The following TATDN2 variants were observed in gnomAD, a reference collection of about 807,000 sequenced individuals.
The protein encoded by TATDN2 is TatD DNase domain containing 2, also known as 3'-5' RNA nuclease TATDN2.
TATDN2 carries 44 observed loss-of-function variants against 60.3 expected under a neutral mutation model. The observed-to-expected ratio is 0.73, with a 90% CI of 0.57 to 0.94. TATDN2 has a LOEUF of 0.94. Ranked by LOEUF, TATDN2 falls within the 40% of genes least tolerant of loss-of-function variation. The pLI is 0.00. For missense variants in TATDN2, 997 were observed against 948.0 expected, an observed-to-expected ratio of 1.05 and a Z score of -0.68; for synonymous variants, 399 against 355.8, an observed-to-expected ratio of 1.12 and a Z score of -1.37.
chr3:10,270,368 C>T lies in TATDN2; in HGVS notation c.1186C>T (p.Pro396Ser), dbSNP rs750053141. The T allele has an allele frequency of 1.2e-6, 2 of 1,614,158 alleles. No individual in the cohort carries two copies. Among genetic ancestry groups the T allele is most frequent in the Non-Finnish European group, 1.7e-6 (2 of 1,180,038 alleles). The change falls in exon 4 of 8, where the codon CCC becomes TCC. Residue 396 changes from proline to serine, a missense_variant. Physicochemically the swap from Pro to Ser is moderately conservative, Grantham distance 74. Transcript: ENST00000448281. ...CAGCAGCCCCAAGCCTTCTAGCTAC[C>T]CCTCCACAGGCAGCAGCAGCAACGA... ...WTSSPKPSSY[P>S]STGSSSNDAA...
chr3:10,261,930 T>G (rs958166519), intron 3 of TATDN2, among the ~76,000 whole-genome samples: 2 of 152,210 alleles, frequency 1.3e-5, no homozygotes, highest in African/African-American at 4.8e-5. Flanking sequence ...CTTGAATACC[T>G]TTTGGGTTAA....
chr3:10,257,872 T>TTTTTTTTTTTTTA (rs1698337509), intron 2 of TATDN2, among the ~76,000 whole-genome samples: 1 of 88,640 alleles, frequency 1.1e-5, no homozygotes, highest in Non-Finnish European at 2.0e-5. Context: ...TTTTTTTTTT[T>TTTTTTTTTTTTTA]TTTTGGGAGA....
At chr3:10,277,976 C>T (rs1383950043) in intron 5 of TATDN2, among the ~76,000 whole-genome samples, 1 of 151,962 alleles carries the variant, frequency 6.6e-6, no homozygotes, top group African/African-American at 2.4e-5. Flanking sequence ...TGATTTTGCT[C>T]CTCTTCAGTG....
At chr3:10,275,064 C>T (rs1468143400) in intron 4 of TATDN2, among the ~76,000 whole-genome samples, 2 of 149,806 alleles carry the variant, frequency 1.3e-5, no homozygotes, top group Non-Finnish European at 3.0e-5. Context: ...CAGCTCACTG[C>T]AGCCTTTGCC....
At chr3:10,269,156 G>A (rs1272385926) in intron 3 of TATDN2, among the ~76,000 whole-genome samples, 4 of 152,156 alleles carry the variant, frequency 2.6e-5, no homozygotes, top group African/African-American at 9.6e-5. Flanking sequence ...ACACCTACAT[G>A]TGGCCTCTCT....
rs756980466 is a variant in TATDN2, at chr3:10,278,308, T to C, written c.1991T>C (p.Ile664Thr). The change falls in exon 6 of 8, where the codon ATT becomes ACT. Residue 664 changes from isoleucine to threonine, a missense_variant. Ile to Thr is a moderately conservative substitution (Grantham distance 89). Coordinates refer to ENST00000448281, the MANE Select transcript of TATDN2 (RefSeq NM_014760.4). This position sits in a 1 kb window ranked among gnomAD's most constrained non-coding sequence, Gnocchi z 4.7. ...TGCTTCACCGGCAGCTACCCGGTCA[T>C]TGAGCCCCTGCTGAAGTACTTTCCC... is the stretch of plus-strand genomic sequence containing the variant. The part of the protein sequence containing the change: ...RHCFTGSYPV[I>T]EPLLKYFPNM... The C allele has an allele frequency of 3.1e-6, 5 of 1,614,142 alleles. No individual in the cohort carries two copies. Among genetic ancestry groups the C allele is most frequent in the Non-Finnish European group, 4.2e-6 (5 of 1,179,992 alleles).
chr3:10,271,488 A>G (rs529508260), intron 4 of TATDN2, among the ~76,000 whole-genome samples: 1 of 151,578 alleles, frequency 6.6e-6, no homozygotes, highest in African/African-American at 2.4e-5. Context: ...TAATTTTTGT[A>G]TTTTTAATAG....
At chr3:10,249,667 G>T in intron 2 of TATDN2, 53 bp downstream of exon 2, 1 of 1,475,754 alleles carries the variant, frequency 6.8e-7, no homozygotes. Context: ...CATGGCTTGA[G>T]AGGTTGGGGA....
chr3:10,249,672 T>G, intron 2 of TATDN2, 58 bp downstream of exon 2: 1 of 1,470,384 alleles, frequency 6.8e-7, no homozygotes, highest in Non-Finnish European at 9.0e-7. Flanking sequence ...CTTGAGAGGT[T>G]GGGGATGGGA....
chr3:10,270,624 C>T lies in TATDN2; in HGVS notation c.1442C>T (p.Ser481Phe), dbSNP rs763702997. The T allele has an allele frequency of 6.2e-7, 1 of 1,614,112 alleles. No individual in the cohort carries two copies. The highest frequency in any genetic ancestry group is 1.1e-5 in the South Asian group (1 of 91,090). ...CCTTGTGGAGGACACGCATCCAGCT[C>T]CCTGCCAAAGAGCCACCTGGAGCCA... is the stretch of plus-strand genomic sequence containing the variant. Reference protein sequence around the residue: ...PRPCGGHASSSLPKSHLEPSL... With the variant: ...PRPCGGHASSFLPKSHLEPSL... The change falls in exon 4 of 8, where the codon TCC (serine) becomes TTC (phenylalanine). Residue 481 changes from serine (S) to phenylalanine (F), a missense_variant. Physicochemically the swap from Ser to Phe is radical, Grantham distance 155. Transcript: ENST00000448281.
chr3:10,261,758 C>T (rs534874199), intron 3 of TATDN2, among the ~76,000 whole-genome samples: 2 of 152,190 alleles, frequency 1.3e-5, no homozygotes, highest in Non-Finnish European at 2.9e-5. Flanking sequence ...CTAGTACTTA[C>T]CCCATGTTTC....
chr3:10,252,102 C>A (rs915292590), intron 2 of TATDN2, among the ~76,000 whole-genome samples: 5 of 128,912 alleles, frequency 3.9e-5, no homozygotes, highest in African/African-American at 1.5e-4. Context: ...GAACCGAGAT[C>A]AAGGCACTGC....
Position 10,270,670 on chromosome 3 carries a change from T to A in TATDN2, c.1488T>A (p.Ile496=). The A allele has an allele frequency of 2.5e-6, 4 of 1,614,202 alleles. No homozygotes were observed. Among genetic ancestry groups the A allele is most frequent in the Non-Finnish European group, 3.4e-6 (4 of 1,180,044 alleles). ...AGCCAAGCCTAGAGGAGGGCTTCAT[T>A]GACACTCATTGTCACCTGGACATGC... is the stretch of plus-strand genomic sequence containing the variant. ...HLEPSLEEGF[I]DTHCHLDMLY... The change falls in exon 4 of 8, where the codon ATT becomes ATA. Residue 496 remains isoleucine (I), a synonymous_variant. Coordinates refer to ENST00000448281, the MANE Select transcript of TATDN2 (RefSeq NM_014760.4).
At chr3:10,255,792 T>A (rs1385608001) in intron 2 of TATDN2, among the ~76,000 whole-genome samples, 1 of 152,090 alleles carries the variant, frequency 6.6e-6, no homozygotes, top group Non-Finnish European at 1.5e-5. Flanking sequence ...AAATACGAAA[T>A]GTAGCTGGGT....
chr3:10,257,840 G>GTTTTTTTT (rs1698334498), intron 2 of TATDN2, among the ~76,000 whole-genome samples: 1 of 39,022 alleles, frequency 2.6e-5, no homozygotes, highest in Non-Finnish European at 6.4e-5. Context: ...AAAGGTTTAT[G>GTTTTTTTT]ATTTTTTTTT....
At chr3:10,253,272 A>G (rs1357229925) in intron 2 of TATDN2, among the ~76,000 whole-genome samples, 2 of 152,282 alleles carry the variant, frequency 1.3e-5, no homozygotes, top group East Asian at 1.9e-4. Flanking sequence ...AAGTGCTGGG[A>G]TCACAGGCAT....
Position 10,260,622 on chromosome 3 carries a change from A to G in TATDN2, c.900A>G (p.Pro300=). 6.2e-7 allele frequency: 1 copy of G among 1,614,126 alleles called. No individual in the cohort carries two copies. The highest frequency in any genetic ancestry group is 1.3e-5 in the African/African-American group (1 of 75,036). ...DRRTVIDKCS[P]PLEFLDDSDS... The stretch of plus-strand genomic sequence containing the variant: ...GGACTGTCATTGACAAATGCTCTCC[A>G]CCCCTAGAGTTCTTGGATGACTCTG... Residue 300 remains proline (P), a synonymous_variant, in exon 3 of 8, where the codon CCA becomes CCG. Coordinates refer to ENST00000448281, the MANE Select transcript of TATDN2 (RefSeq NM_014760.4).
intron 2 of TATDN2, 65 bp from the exon 3 acceptor site, chr3:10,260,072 C>T: frequency 2.6e-6 from 4 of 1,524,938 alleles, no homozygotes; most frequent in Non-Finnish European, 3.5e-6. Context: ...TTATAATTTG[C>T]CAAATGCTTC....
intron 2 of TATDN2, among the ~76,000 whole-genome samples, chr3:10,254,024 C>T (rs1031461657): frequency 9.2e-5 from 14 of 152,222 alleles, no homozygotes; most frequent in Non-Finnish European, 2.1e-4. Context: ...GAGCTCTCTG[C>T]AGGGTGAGTT....
Sources: allele counts gnomAD v4.1 joint callset (sites outside exome capture counted in the v4.1 genomes callset), GRCh38; gene constraint gnomAD v4.1.1; non-coding constraint Gnocchi (gnomAD v3.1); transcripts MANE v1.5; gene names NCBI Gene and HGNC (gene_info 2026-07-23, HGNC 2026-07-21).